BCAS3: variants seen among roughly 807,000 people sequenced by gnomAD.
BCAS3 encodes the protein BCAS3 microtubule associated cell migration factor.
A neutral mutation model predicts 116.1 loss-of-function variants in BCAS3; 53 were observed. The observed-to-expected ratio is 0.46, with a 90% confidence interval of 0.37 to 0.57. The LOEUF (loss-of-function observed/expected upper bound fraction) is 0.57. BCAS3 is among the 20% of genes least tolerant of loss of function. The pLI is 0.00. For synonymous variants in BCAS3, 391 were observed against 408.2 expected, an observed-to-expected ratio of 0.96 and a Z score of 0.51; for missense variants, 917 against 1,165.4, an observed-to-expected ratio of 0.79 and a Z score of 3.10.
At chr17:61,108,947 G>C (rs1337834675) in intron 22 of BCAS3, among the ~76,000 whole-genome samples, 1 of 152,062 alleles carries the variant, frequency 6.6e-6, no homozygotes. Flanking sequence ...CGGCACTTTA[G>C]GTGGCTGAGG....
intron 22 of BCAS3, among the ~76,000 whole-genome samples, chr17:61,334,356 T>C (rs62069651): frequency 0.085 from 12,943 of 152,178 alleles, 701 homozygotes; most frequent in South Asian, 0.15. Flanking sequence ...ATAAAACCTA[T>C]GTTGCAGAGT....
At chr17:61,042,181 A>G (rs1457674392) in intron 19 of BCAS3, among the ~76,000 whole-genome samples, 2 of 152,062 alleles carry the variant, frequency 1.3e-5, no homozygotes, top group Non-Finnish European at 2.9e-5. Flanking sequence ...ACATGACATG[A>G]ATATGATATG....
At chr17:60,901,267 A>G (rs920927012) in intron 10 of BCAS3, among the ~76,000 whole-genome samples, 9 of 151,550 alleles carry the variant, frequency 5.9e-5, no homozygotes, top group African/African-American at 1.9e-4. Context: ...TGTTTTTTAC[A>G]TATTTGTCCT....
intron 15 of BCAS3, chr17:61,002,751 TG>T (rs1218823892): frequency 2.0e-5 from 3 of 152,114 alleles, no homozygotes; most frequent in African/African-American, 7.2e-5. Context: ...TTATGCTAAA[TG>T]TTTTTTTATT....
In BCAS3 at chr17:61,285,149, C is replaced by G. The variant is rs192750931; in HGVS notation, c.2426-83178C>G. ...CTGAAACTGCTTCCACCTGGGCAGA[C>G]CAGGGACCACAGGAACCAGAGAAAT... is the stretch of plus-strand genomic sequence containing the variant. On this transcript the variant is annotated intron_variant, in intron 22 of 23. Coordinates refer to ENST00000407086, the MANE Select transcript of BCAS3 (RefSeq NM_017679.5). This position sits in a 1 kb window ranked among gnomAD's most constrained non-coding sequence, Gnocchi z 5.4. Among the ~76,000 whole-genome samples the G allele has an allele frequency of 6.6e-6, 1 of 151,988 alleles. No individual in the cohort carries two copies.
rs182379761 is a variant in BCAS3 at position 61,124,085 on chromosome 17, T to C, written c.2425+39521T>C. Among the ~76,000 whole-genome samples the C allele has an allele frequency of 1.1e-4, 17 of 152,146 alleles. No homozygotes were observed. Among genetic ancestry groups the C allele is most frequent in the African/African-American group, 3.9e-4 (16 of 41,532 alleles). On this transcript the variant is annotated intron_variant, in intron 22 of 23. Coordinates refer to ENST00000407086, the MANE Select transcript of BCAS3 (RefSeq NM_017679.5). This position sits in a 1 kb window ranked among gnomAD's most constrained non-coding sequence, Gnocchi z 4.6. Reference sequence around the variant, plus strand: ...TATCTAGGAGAGAGATATATATATATACATATATATGTTTTTATTATTTAA... The same window carrying C: ...TATCTAGGAGAGAGATATATATATACACATATATATGTTTTTATTATTTAA...
At chr17:61,221,690 A>C (rs2082120379) in intron 22 of BCAS3, among the ~76,000 whole-genome samples, 1 of 152,138 alleles carries the variant, frequency 6.6e-6, no homozygotes, top group Non-Finnish European at 1.5e-5. Context: ...ATCCTAAAAA[A>C]AGGCTTAGAT....
At chr17:60,731,322 C>T (rs995506673) in intron 5 of BCAS3, among the ~76,000 whole-genome samples, 1 of 152,102 alleles carries the variant, frequency 6.6e-6, no homozygotes, top group African/African-American at 2.4e-5. Context: ...AAGTAATTCT[C>T]GTGCCTCAGC....
At chr17:60,931,887 A>G (rs2059664335) in intron 13 of BCAS3, among the ~76,000 whole-genome samples, 1 of 152,118 alleles carries the variant, frequency 6.6e-6, no homozygotes, top group Non-Finnish European at 1.5e-5. Context: ...AGCCTAGGCA[A>G]CATGGTGAAA....
chr17:61,287,400 G>A (rs185864348), intron 22 of BCAS3, among the ~76,000 whole-genome samples: 1 of 151,944 alleles, frequency 6.6e-6, no homozygotes, highest in Admixed American at 6.6e-5. Flanking sequence ...AGAGCAACGT[G>A]GAGTCAGCTT....
rs2054741862 is a variant in BCAS3, at chr17:61,316,470, G to A, written c.2426-51857G>A. 6.6e-6 allele frequency among the ~76,000 whole-genome samples: 1 copy of A among 151,608 alleles called. No homozygotes were observed. The highest frequency in any genetic ancestry group is 1.5e-5 in the Non-Finnish European group (1 of 67,886). ...TGGTACTGGTCCCTGAGATGTCCCCGGACATGCCCCTCACCCAGCACCTCT... is the reference window on the plus strand; with the variant it reads ...TGGTACTGGTCCCTGAGATGTCCCCAGACATGCCCCTCACCCAGCACCTCT... On this transcript the variant is annotated intron_variant, in intron 22 of 23. Coordinates refer to ENST00000407086, the MANE Select transcript of BCAS3 (RefSeq NM_017679.5). The surrounding 1 kb of genome is among the most constrained non-coding windows in gnomAD (Gnocchi z 5.8).
rs1045145316 is a variant in BCAS3, at chr17:61,244,589, C to T, written c.2426-123738C>T. 6.6e-6 allele frequency among the ~76,000 whole-genome samples: 1 copy of T among 152,154 alleles called. No homozygotes were observed. Among genetic ancestry groups the T allele is most frequent in the Non-Finnish European group, 1.5e-5 (1 of 68,034 alleles). On this transcript the variant is annotated intron_variant, in intron 22 of 23. Coordinates refer to ENST00000407086, the MANE Select transcript of BCAS3 (RefSeq NM_017679.5). The surrounding 1 kb of genome is among the most constrained non-coding windows in gnomAD (Gnocchi z 4.9). The stretch of plus-strand genomic sequence containing the variant: ...TTAAAAATTGGATATATAGGCCCGG[C>T]GCGGTGGCTCATGCCTGTAATCCCA...
chr17:61,334,664 CAAA>C (rs35400660), intron 22 of BCAS3, among the ~76,000 whole-genome samples: 21 of 50,900 alleles, frequency 4.1e-4, no homozygotes, highest in African/African-American at 1.1e-3. Flanking sequence ...AACTCCATCT[CAAA>C]AAAAAAAAAA....
At position 61,340,586 on chromosome 17, in the gene BCAS3, G is replaced by A. The variant is rs76025264; in HGVS notation, c.2426-27741G>A. Among the ~76,000 whole-genome samples, 240 of 152,302 alleles carry A rather than the reference G, an allele frequency of 1.6e-3. 1 individual carries two copies. Among genetic ancestry groups the A allele is most frequent in the African/African-American group, 5.1e-3 (213 of 41,562 alleles). On this transcript the variant is annotated intron_variant, in intron 22 of 23. Transcript: ENST00000407086. ...TGATCATCAGGTCAGGCTCAGACCC[G>A]TTAGCATGGTGTGCTTTCCTCCCTG...
chr17:61,225,963 A>G (rs901015429), intron 22 of BCAS3, among the ~76,000 whole-genome samples: 2 of 152,216 alleles, frequency 1.3e-5, no homozygotes, highest in African/African-American at 2.4e-5. Flanking sequence ...GTTTTCCGCT[A>G]CAGAATACAG....
intron 22 of BCAS3, among the ~76,000 whole-genome samples, chr17:61,184,437 A>G (rs1351618713): frequency 6.6e-6 from 1 of 152,292 alleles, no homozygotes; most frequent in Middle Eastern, 3.4e-3. Flanking sequence ...TGAAATTAAA[A>G]GACTGACAAT....
At chr17:61,108,705 C>G (rs1246671599) in intron 22 of BCAS3, among the ~76,000 whole-genome samples, 1 of 151,558 alleles carries the variant, frequency 6.6e-6, no homozygotes, top group African/African-American at 2.4e-5. Context: ...TTGGTGCACC[C>G]ATCACCCGAG....
chr17:61,109,681 G>A (rs571100631), intron 22 of BCAS3, among the ~76,000 whole-genome samples: 8 of 152,004 alleles, frequency 5.3e-5, no homozygotes, highest in Non-Finnish European at 8.8e-5. Context: ...TTTGATTTGC[G>A]TTTCCATAGT....
At chr17:60,831,856 TGTAAA>T (rs145944619) in intron 7 of BCAS3, among the ~76,000 whole-genome samples, 28,476 of 151,940 alleles carry the variant, frequency 0.19, 3,208 homozygotes, top group African/African-American at 0.32. Context: ...ATTTGTATAT[TGTAAA>T]GTAATGTCAT....
Sources: allele counts gnomAD v4.1 joint callset (sites outside exome capture counted in the v4.1 genomes callset), GRCh38; gene constraint gnomAD v4.1.1; non-coding constraint Gnocchi (gnomAD v3.1); transcripts MANE v1.5; gene names NCBI Gene and HGNC (gene_info 2026-07-23, HGNC 2026-07-21).